Variants in PIP5K1B observed in about 807,000 individuals in gnomAD.
PIP5K1B encodes the protein phosphatidylinositol 4-phosphate 5-kinase type-1 beta.
In PIP5K1B, 42 loss-of-function variants were observed where a neutral mutation model predicts 67.0. That is an observed-to-expected ratio of 0.63 (90% CI 0.49 to 0.81). The LOEUF (loss-of-function observed/expected upper bound fraction) is 0.81. PIP5K1B is among the 30% of genes least tolerant of loss of function. PIP5K1B has a pLI of 0.00. For synonymous variants in PIP5K1B, 214 were observed against 231.4 expected (o/e 0.92, Z 0.68); for missense variants, 459 against 646.3 (o/e 0.71, Z 3.14).
chr9:68,859,517 A>G (rs138263313), intron 4 of PIP5K1B, among the ~76,000 whole-genome samples: 116 of 152,312 alleles, frequency 7.6e-4, no homozygotes, highest in African/African-American at 2.6e-3. Context: ...AAAGGAGTCA[A>G]AGGTTCCCCT....
rs1198417145 is a variant in PIP5K1B at position 68,876,807 on chromosome 9, C to G, written c.318+13C>G. On this transcript the variant is annotated intron_variant, in intron 6 of 15. Transcript: ENST00000265382. ...TGATGATTACTTGGTAAGAACCTGTCATTTTTCTTCCTTCTATAGAAATGT... is the reference window on the plus strand; with the variant it reads ...TGATGATTACTTGGTAAGAACCTGTGATTTTTCTTCCTTCTATAGAAATGT... 8.2e-7 allele frequency: 1 copy of G among 1,220,688 alleles called. No homozygotes were observed. Among genetic ancestry groups the G allele is most frequent in the Admixed American group, 1.7e-5 (1 of 59,384 alleles). The allele number at this position is 1,220,688 out of a possible 1,614,324, so 75.6% of individuals were successfully genotyped here.
At chr9:68,908,362 C>T (rs762357270) in intron 8 of PIP5K1B, among the ~76,000 whole-genome samples, 1 of 151,682 alleles carries the variant, frequency 6.6e-6, no homozygotes, top group Non-Finnish European at 1.5e-5. Context: ...TACATACACA[C>T]ACACATACAC....
intron 6 of PIP5K1B, among the ~76,000 whole-genome samples, chr9:68,878,637 C>T (rs970335787): frequency 6.6e-6 from 1 of 152,004 alleles, no homozygotes; most frequent in Non-Finnish European, 1.5e-5. Flanking sequence ...TAGGGAAATT[C>T]AAAAAACTGC....
intron 7 of PIP5K1B, among the ~76,000 whole-genome samples, chr9:68,891,668 C>T (rs755882692): frequency 6.6e-6 from 1 of 152,052 alleles, no homozygotes; most frequent in Non-Finnish European, 1.5e-5. Context: ...GAAAAAAGTA[C>T]AAGCACTGTT....
intron 1 of PIP5K1B, among the ~76,000 whole-genome samples, chr9:68,717,496 A>G (rs1015115145): frequency 6.6e-6 from 1 of 152,196 alleles, no homozygotes; most frequent in African/African-American, 2.4e-5. Flanking sequence ...TATTTCTCAT[A>G]GTTCTGGAGG....
intron 15 of PIP5K1B, among the ~76,000 whole-genome samples, chr9:68,999,578 C>T (rs938262402): frequency 6.6e-6 from 1 of 152,110 alleles, no homozygotes; most frequent in Non-Finnish European, 1.5e-5. Context: ...ATTTTTTAAA[C>T]CTCTACACAC....
At chr9:68,814,017 G>C (rs1043294394) in intron 2 of PIP5K1B, among the ~76,000 whole-genome samples, 4 of 152,196 alleles carry the variant, frequency 2.6e-5, no homozygotes, top group Admixed American at 2.0e-4. Context: ...CGCACAAAAT[G>C]AAAGTCCCAC....
At chr9:68,791,859 A>G (rs1587457641) in intron 2 of PIP5K1B, among the ~76,000 whole-genome samples, 1 of 152,190 alleles carries the variant, frequency 6.6e-6, no homozygotes, top group South Asian at 2.1e-4. Flanking sequence ...CCACTTCAAC[A>G]TATCCCCTGG....
At chr9:68,871,012 C>T (rs1211435215) in intron 5 of PIP5K1B, among the ~76,000 whole-genome samples, 1 of 152,190 alleles carries the variant, frequency 6.6e-6, no homozygotes, top group Non-Finnish European at 1.5e-5. Context: ...TAGTTTTACC[C>T]CATTGCTTAC....
chr9:68,964,357 C>T (rs755225739), intron 14 of PIP5K1B, among the ~76,000 whole-genome samples: 4 of 152,190 alleles, frequency 2.6e-5, no homozygotes, highest in Non-Finnish European at 5.9e-5. Flanking sequence ...AAGTAAAGAG[C>T]TAATATTTAT....
intron 14 of PIP5K1B, among the ~76,000 whole-genome samples, chr9:68,955,557 G>A (rs183234850): frequency 4.1e-4 from 62 of 152,258 alleles, no homozygotes; most frequent in South Asian, 4.2e-4. Context: ...CTCTCAGTGC[G>A]ATCTCTGGAA....
In PIP5K1B at chr9:68,895,235, G is replaced by A. The variant is rs140630396; in HGVS notation, c.771+597G>A. ...CTTAGCTGGAGTGATTGTCCAAAGT[G>A]GGGAGGAATTCCCCCAGGCTGCAAT... On this transcript the variant is annotated intron_variant, in intron 8 of 15. Coordinates refer to ENST00000265382, the MANE Select transcript of PIP5K1B (RefSeq NM_003558.4). Among the ~76,000 whole-genome samples, 730 of 148,892 alleles carry A rather than the reference G, an allele frequency of 4.9e-3. 9 individuals carry two copies. The highest frequency in any genetic ancestry group is 0.017 in the African/African-American group (701 of 40,340).
chr9:68,912,866 G>A (rs1353439744), intron 8 of PIP5K1B, among the ~76,000 whole-genome samples: 1 of 152,184 alleles, frequency 6.6e-6, no homozygotes, highest in African/African-American at 2.4e-5. Flanking sequence ...CATGAAGAGA[G>A]GATGGCAATG....
chr9:68,989,797 T>A (rs1461059115), intron 14 of PIP5K1B, among the ~76,000 whole-genome samples: 1 of 152,122 alleles, frequency 6.6e-6, no homozygotes, highest in South Asian at 2.1e-4. Flanking sequence ...CTGGCCAACA[T>A]GGTGAAACCC....
At chr9:68,894,118 C>T (rs185534391) in intron 7 of PIP5K1B, among the ~76,000 whole-genome samples, 2 of 152,312 alleles carry the variant, frequency 1.3e-5, no homozygotes, top group East Asian at 3.9e-4. Flanking sequence ...ATGTCCAATC[C>T]AGTCACTTTC....
chr9:68,729,345 T>TA (rs1203408188), intron 1 of PIP5K1B, among the ~76,000 whole-genome samples: 1 of 152,136 alleles, frequency 6.6e-6, no homozygotes, highest in Non-Finnish European at 1.5e-5. Context: ...TATTGAAGAG[T>TA]AGGAGTAAAC....
intron 2 of PIP5K1B, among the ~76,000 whole-genome samples, chr9:68,793,466 G>C (rs1375962014): frequency 6.6e-6 from 1 of 152,176 alleles, no homozygotes; most frequent in Non-Finnish European, 1.5e-5. Flanking sequence ...GGTGGAGGTG[G>C]AAGAAGTGGC....
intron 2 of PIP5K1B, among the ~76,000 whole-genome samples, chr9:68,809,721 C>T (rs1048205499): frequency 1.3e-5 from 2 of 152,190 alleles, no homozygotes; most frequent in African/African-American, 4.8e-5. Context: ...AGCTCTCAAC[C>T]TTATGTCCCC....
intron 4 of PIP5K1B, among the ~76,000 whole-genome samples, chr9:68,843,869 A>G (rs1157553849): frequency 1.3e-5 from 2 of 152,202 alleles, no homozygotes; most frequent in Non-Finnish European, 2.9e-5. Flanking sequence ...TGGGAGAAAG[A>G]TGAACGGATT....
Sources: gnomAD v4.1 joint callset for allele counts (sites outside exome capture counted in the v4.1 genomes callset) on GRCh38, gnomAD v4.1.1 for gene constraint, MANE v1.5 for transcripts, NCBI Gene and HGNC (gene_info 2026-07-23, HGNC 2026-07-21) for gene names.